Variants in INPP5F observed in about 807,000 individuals in gnomAD.
The protein encoded by INPP5F is inositol polyphosphate-5-phosphatase F, also known as phosphatidylinositide 4-phosphatase SAC2.
INPP5F carries 97 observed loss-of-function variants against 137.2 expected under a neutral mutation model. The ratio of observed to expected loss-of-function variants is 0.71; its 90% confidence interval spans 0.60 to 0.84. INPP5F has a LOEUF of 0.84. INPP5F is among the 40% of genes least tolerant of loss of function. The pLI, the probability that INPP5F is intolerant of heterozygous loss-of-function variation, is 0.00. For missense variants in INPP5F, 1,271 were observed against 1,371.9 expected (o/e 0.93, Z 1.16); for synonymous variants, 504 against 476.9 (o/e 1.06, Z -0.74).
chr10:119,798,375 A>C (rs1850461141), intron 8 of INPP5F, among the ~76,000 whole-genome samples, 168 bp from the exon 9 acceptor site: 2 of 152,186 alleles, frequency 1.3e-5, no homozygotes, highest in Admixed American at 1.3e-4. Context: ...AACTGGAAAA[A>C]AAATCAGATC....
chr10:119,740,252 C>T (rs535322191), intron 1 of INPP5F, among the ~76,000 whole-genome samples: 1 of 152,224 alleles, frequency 6.6e-6, no homozygotes, highest in African/African-American at 2.4e-5. Flanking sequence ...TCCCTCTCTC[C>T]TGTGTATGTA....
chr10:119,807,830 T>C, intron 12 of INPP5F, 102 bp from the exon 13 acceptor site: 1 of 1,101,096 alleles, frequency 9.1e-7, no homozygotes, highest in East Asian at 2.5e-5. Context: ...TATTTAAGGG[T>C]CCTAAATTGT....
At chr10:119,765,510 T>G (rs2134149551) in intron 2 of INPP5F, among the ~76,000 whole-genome samples, 1 of 151,566 alleles carries the variant, frequency 6.6e-6, no homozygotes, top group African/African-American at 2.4e-5. Context: ...TAGCTGGGAC[T>G]ACAGGTGCAC....
rs939105069 is a variant in INPP5F at position 119,801,321 on chromosome 10, A to C, written c.1116+2711A>C. 7.2e-5 allele frequency among the ~76,000 whole-genome samples: 11 copies of C among 152,350 alleles called. No homozygotes were observed. In the East Asian group the frequency reaches 2.1e-3, roughly 29 times the overall value. ...AAACAAAATTAGGTCATTTACATACAGTTGGTTCTCTTCCATTTATTCTAT... is the reference window on the plus strand; with the variant it reads ...AAACAAAATTAGGTCATTTACATACCGTTGGTTCTCTTCCATTTATTCTAT... On this transcript the variant is annotated intron_variant, in intron 9 of 19. Coordinates refer to ENST00000650623, the MANE Select transcript of INPP5F (RefSeq NM_014937.4).
intron 1 of INPP5F, among the ~76,000 whole-genome samples, chr10:119,740,937 C>T (rs1248734215): frequency 6.6e-6 from 1 of 152,210 alleles, no homozygotes; most frequent in African/African-American, 2.4e-5. Context: ...ACACATTTCT[C>T]AACTTGATGT....
In INPP5F at chr10:119,748,746, A is replaced by G. The variant is rs1304940698; in HGVS notation, c.98-2330A>G. On this transcript the variant is annotated intron_variant, in intron 1 of 19. Transcript: ENST00000650623. This position sits in a 1 kb window ranked among gnomAD's most constrained non-coding sequence, Gnocchi z 4.7. ...CTGATTGGTCCATGGGAGGCCACGG[A>G]CGGCCTGGAGAAAGCACCCTGAGTT... Among the ~76,000 whole-genome samples the G allele has an allele frequency of 3.3e-5, 5 of 152,140 alleles. No homozygotes were observed. The highest frequency in any genetic ancestry group is 5.9e-5 in the Non-Finnish European group (4 of 68,026).
At chr10:119,730,770 C>CT (rs200863697) in intron 1 of INPP5F, among the ~76,000 whole-genome samples, 6,338 of 147,514 alleles carry the variant, frequency 0.043, 237 homozygotes, top group South Asian at 0.23. Flanking sequence ...AGGTGATACT[C>CT]TAAGTGATGA....
chr10:119,823,721 C>A, intron 18 of INPP5F, 94 bp from the exon 19 acceptor site: 2 of 839,096 alleles, frequency 2.4e-6, no homozygotes, highest in Non-Finnish European at 3.6e-6. Context: ...AATTATACGA[C>A]GACAAATTTC....
Position 119,726,216 on chromosome 10 carries a change from C to G in INPP5F, c.-47C>G, listed in dbSNP as rs1847878315. On this transcript the variant is annotated 5_prime_UTR_variant, in exon 1 of 20. Coordinates refer to ENST00000650623, the MANE Select transcript of INPP5F (RefSeq NM_014937.4). The stretch of plus-strand genomic sequence containing the variant: ...GCGGCCTCGACCGACTAGGACGCCC[C>G]GTGCGCCGCCCGCGGGCCGCCGCCT... 4.6e-6 allele frequency: 6 copies of G among 1,295,796 alleles called. No individual in the cohort carries two copies. In the South Asian group the frequency reaches 6.3e-5, roughly 14 times the overall value. 80.3% of individuals were successfully genotyped at this position (1,295,796 alleles called of 1,614,324 possible). A position where few individuals can be genotyped will look rare whatever the true frequency, so the allele number is the denominator to read the frequency against.
chr10:119,771,843 GAGATATATATATATATATATAT>G (rs2134161369), intron 2 of INPP5F, among the ~76,000 whole-genome samples: 1 of 40,886 alleles, frequency 2.4e-5, no homozygotes, highest in East Asian at 5.9e-4. Context: ...ATAAAGTATG[GAGATATATATATATATATATAT>G]ATATATATAT....
In INPP5F at chr10:119,810,110, C is replaced by T; in HGVS notation, c.1580C>T (p.Thr527Ile). The change falls in exon 14 of 20, where the codon ACA becomes ATA. Residue 527 changes from threonine (T) to isoleucine (I), a missense_variant. Thr to Ile is a moderately conservative substitution (Grantham distance 89, BLOSUM62 -1). This residue lies in a region of INPP5F where 593 missense variants were observed against 712.4 expected (regional missense o/e 0.83). Coordinates refer to ENST00000650623, the MANE Select transcript of INPP5F (RefSeq NM_014937.4). ...AGTAALKGDF[T>I]RTGERKLAGV... is the part of the protein sequence containing the mutation. Reference sequence around the variant, plus strand: ...GTTTTTGTTTGACAGGGTGACTTTACAAGGACAGGAGAAAGGAAGTTAGCA... The same window carrying T: ...GTTTTTGTTTGACAGGGTGACTTTATAAGGACAGGAGAAAGGAAGTTAGCA... The T allele has an allele frequency of 1.2e-6, 2 of 1,606,716 alleles. No individual in the cohort carries two copies. The highest frequency in any genetic ancestry group is 1.7e-6 in the Non-Finnish European group (2 of 1,174,172).
rs755820560 is a variant in INPP5F at position 119,791,635 on chromosome 10, A to T, written c.434A>T (p.Asn145Ile). 2 of 1,602,680 alleles carry T rather than the reference A, an allele frequency of 1.2e-6. No individual in the cohort carries two copies. The highest frequency in any genetic ancestry group is 3.4e-5 in the Admixed American group (2 of 59,554). Residue 145 changes from asparagine (N) to isoleucine (I), a missense_variant, in exon 4 of 20, where the codon AAT becomes ATT. Physicochemically the swap from Asn to Ile is moderately radical, Grantham distance 149. Around this residue, in one of 6 missense-constraint regions of INPP5F, gnomAD observed 62 missense variants for 55.0 expected, o/e 1.13. Transcript: ENST00000650623. ...ATTAAATCCAATGTGTCTGCTCCTA[A>T]TAAAAAGAAAGTAAGAGTTTAATTG... Reference protein sequence around the residue: ...THIKSNVSAPNKKKVKESKEK... With the variant: ...THIKSNVSAPIKKKVKESKEK...
chr10:119,786,602 A>G (rs1466640544), intron 3 of INPP5F, among the ~76,000 whole-genome samples: 2 of 152,082 alleles, frequency 1.3e-5, no homozygotes, highest in Non-Finnish European at 2.9e-5. Context: ...ACAGGCTGGA[A>G]TGCAGTGACG....
intron 15 of INPP5F, among the ~76,000 whole-genome samples, 155 bp downstream of exon 15, chr10:119,812,110 G>A (rs989119249): frequency 5.3e-5 from 8 of 152,232 alleles, no homozygotes; most frequent in Admixed American, 5.2e-4. Flanking sequence ...GCTGACTGAG[G>A]CACTTGCCTT....
At chr10:119,785,533 CTCGA>C (rs1849865919) in intron 3 of INPP5F, among the ~76,000 whole-genome samples, 1 of 26,560 alleles carries the variant, frequency 3.8e-5, no homozygotes, top group African/African-American at 9.6e-5. Context: ...TTGTGATCCG[CTCGA>C]GAGAGAGAGA....
intron 15 of INPP5F, chr10:119,819,449 A>C: frequency 6.4e-7 from 1 of 1,559,150 alleles, no homozygotes; most frequent in African/African-American, 1.4e-5. Flanking sequence ...TGAAAGTAAC[A>C]CTGTAATTAG....
intron 2 of INPP5F, among the ~76,000 whole-genome samples, chr10:119,773,952 A>C (rs1849438482): frequency 6.6e-6 from 1 of 152,284 alleles, no homozygotes; most frequent in East Asian, 1.9e-4. Context: ...TTAGTCTTTC[A>C]AGTGAAATTT....
chr10:119,761,511 C>G (rs981206079), intron 2 of INPP5F, among the ~76,000 whole-genome samples: 4 of 151,750 alleles, frequency 2.6e-5, no homozygotes, highest in African/African-American at 9.7e-5. Context: ...TGTGTTGTTC[C>G]CTGAAATATA....
intron 1 of INPP5F, among the ~76,000 whole-genome samples, chr10:119,735,151 G>A (rs911439055): frequency 1.3e-5 from 2 of 152,170 alleles, no homozygotes; most frequent in Non-Finnish European, 2.9e-5. Flanking sequence ...TCATTTTCTG[G>A]TTGTTGGAGA....
Sources: gnomAD v4.1 joint callset for allele counts (sites outside exome capture counted in the v4.1 genomes callset) on GRCh38, gnomAD v4.1.1 for gene constraint, gnomAD v4.1.1 regional missense constraint, Gnocchi (gnomAD v3.1) non-coding constraint, MANE v1.5 for transcripts, NCBI Gene and HGNC (gene_info 2026-07-23, HGNC 2026-07-21) for gene names.